EIF4A3: variants seen among roughly 807,000 people sequenced by gnomAD.
EIF4A3 encodes the protein eukaryotic translation initiation factor 4A3, also known as eukaryotic initiation factor 4A-III.
A neutral mutation model predicts 55.6 loss-of-function variants in EIF4A3; 1 was observed. The ratio of observed to expected loss-of-function variants is 0.02; its 90% CI spans 0.01 to 0.09. EIF4A3 has a LOEUF of 0.09. Ranked by LOEUF, EIF4A3 falls within the 10% of genes least tolerant of loss-of-function variation. The probability of loss-of-function intolerance (pLI) is 1.00; values close to 1 mark genes in which losing one functional copy is unlikely to be tolerated. For missense variants in EIF4A3, 221 were observed against 540.7 expected (o/e 0.41, Z 5.86); for synonymous variants, 194 against 196.3 (o/e 0.99, Z 0.10).
In EIF4A3 at chr17:80,145,316, T is replaced by C. The variant is rs543529034; in HGVS notation, c.170-1072A>G. 2.0e-5 allele frequency among the ~76,000 whole-genome samples: 3 copies of C among 152,234 alleles called. No homozygotes were observed. In the East Asian group the frequency reaches 5.8e-4, roughly 29 times the overall value. ...GGGGTGGCTCACACCTGTAATGCCATCACTTTGGGAGGCTGAGGCTGGTGG... is the reference window on the plus strand; with the variant it reads ...GGGGTGGCTCACACCTGTAATGCCACCACTTTGGGAGGCTGAGGCTGGTGG... On this transcript the variant is annotated intron_variant, in intron 1 of 11. Coordinates refer to ENST00000649764, the MANE Select transcript of EIF4A3 (RefSeq NM_014740.4).
At chr17:80,138,982 G>A (rs1246022708) in intron 7 of EIF4A3, 39 bp downstream of exon 7, 2 of 1,607,152 alleles carry the variant, frequency 1.2e-6, no homozygotes, top group South Asian at 2.2e-5. Flanking sequence ...TATAAATGCG[G>A]CCCAGTGTTT....
chr17:80,140,632 G>A (rs2039610396), intron 4 of EIF4A3, among the ~76,000 whole-genome samples: 1 of 152,186 alleles, frequency 6.6e-6, no homozygotes, highest in South Asian at 2.1e-4. Context: ...ACAGGCGTGA[G>A]CCACCACACC....
In EIF4A3 at chr17:80,141,968, A is replaced by G. The variant is rs939855045; in HGVS notation, c.243-120T>C. 8.3e-5 allele frequency: 59 copies of G among 712,762 alleles called. 1 individual carries two copies. Among genetic ancestry groups the G allele is most frequent in the Middle Eastern group, 5.0e-4 (2 of 4,016 alleles). 44.2% of individuals were successfully genotyped at this position (712,762 alleles called of 1,614,324 possible). A position where few individuals can be genotyped will look rare whatever the true frequency, so the allele number is the denominator to read the frequency against. ...TTCTTCCAGCAAGCCCCCGTACCTAATAACATCTTAACTGCGAGGAGGCAG... is the reference window on the plus strand; with the variant it reads ...TTCTTCCAGCAAGCCCCCGTACCTAGTAACATCTTAACTGCGAGGAGGCAG... On this transcript the variant is annotated intron_variant, in intron 2 of 11. Coordinates refer to ENST00000649764, the MANE Select transcript of EIF4A3 (RefSeq NM_014740.4).
At chr17:80,140,173 G>GGA (rs749722477) in intron 4 of EIF4A3, 33 bp from the exon 5 acceptor site, 1 of 1,507,778 alleles carries the variant, frequency 6.6e-7, no homozygotes, top group Non-Finnish European at 8.9e-7. Flanking sequence ...GTCCAGGGTG[G>GGA]GAGAGAGAAA....
intron 4 of EIF4A3, 177 bp from the exon 5 acceptor site, chr17:80,140,317 T>A: frequency 6.5e-6 from 4 of 614,530 alleles, no homozygotes; most frequent in South Asian, 9.2e-5. Flanking sequence ...ATTTTGCTTT[T>A]TTTTTTTTTT....
At position 80,147,109 on chromosome 17, in the gene EIF4A3, G is replaced by A. The variant is rs540433540; in HGVS notation, c.-148C>T. On this transcript the variant is annotated 5_prime_UTR_variant, in exon 1 of 12. Coordinates refer to ENST00000649764, the MANE Select transcript of EIF4A3 (RefSeq NM_014740.4). Reference sequence around the variant, plus strand: ...GCTGTGCCGCTGCCGACCTCGCTGTGCCGCTGCCGACCTCGCTGTGCCGCT... The same window carrying A: ...GCTGTGCCGCTGCCGACCTCGCTGTACCGCTGCCGACCTCGCTGTGCCGCT... 555 of 1,209,314 alleles carry A rather than the reference G, an allele frequency of 4.6e-4. 6 individuals carry two copies. Among genetic ancestry groups the A allele is most frequent in the African/African-American group, 3.8e-3 (236 of 61,804 alleles). The allele number at this position is 1,209,314 out of a possible 1,614,324, so 74.9% of individuals were successfully genotyped here. A position where few individuals can be genotyped will look rare whatever the true frequency, so the allele number is the denominator to read the frequency against.
chr17:80,135,009 T>C lies in EIF4A3; in HGVS notation c.*481A>G, dbSNP rs569444652. On this transcript the variant is annotated 3_prime_UTR_variant, in exon 12 of 12. Coordinates refer to ENST00000649764, the MANE Select transcript of EIF4A3 (RefSeq NM_014740.4). The stretch of plus-strand genomic sequence containing the variant: ...TACTGAAAATACAAAAAAATTAGCC[T>C]GGCATGGTGGCGGCCGCCTGTACTC... Among the ~76,000 whole-genome samples, 5 of 151,262 alleles carry C rather than the reference T, an allele frequency of 3.3e-5. No individual in the cohort carries two copies. The highest frequency in any genetic ancestry group is 1.2e-4 in the African/African-American group (5 of 41,186).
At chr17:80,136,617 C>A in intron 9 of EIF4A3, 1 of 393,212 alleles carries the variant, frequency 2.5e-6, no homozygotes. Flanking sequence ...TTAATCGGTC[C>A]TAAACCAATA....
chr17:80,139,904 A>G (rs1567849409), intron 5 of EIF4A3, 104 bp downstream of exon 5: 2 of 1,540,062 alleles, frequency 1.3e-6, no homozygotes, highest in Admixed American at 3.9e-5. Flanking sequence ...CCCAGGTGCA[A>G]AAGTCTACCG....
intron 8 of EIF4A3, 153 bp from the exon 9 acceptor site, chr17:80,137,654 C>T: frequency 1.6e-6 from 1 of 629,318 alleles, no homozygotes; most frequent in South Asian, 2.1e-5. Flanking sequence ...GATGTAAAAA[C>T]TTTTTCCCAG....
At position 80,147,105 on chromosome 17, in the gene EIF4A3, C is replaced by CCG. The variant is rs1598608132; in HGVS notation, c.-145_-144insCG. Reference sequence around the variant, plus strand: ...CCTCGCTGTGCCGCTGCCGACCTCGCTGTGCCGCTGCCGACCTCGCTGTGC... The same window carrying CCG: ...CCTCGCTGTGCCGCTGCCGACCTCGCCGTGTGCCGCTGCCGACCTCGCTGTGC... On this transcript the variant is annotated 5_prime_UTR_variant, in exon 1 of 12. Coordinates refer to ENST00000649764, the MANE Select transcript of EIF4A3 (RefSeq NM_014740.4). 1.6e-6 allele frequency: 2 copies of CCG among 1,224,696 alleles called. No individual in the cohort carries two copies. The highest frequency in any genetic ancestry group is 3.3e-5 in the African/African-American group (2 of 60,868). 75.9% of individuals were successfully genotyped at this position (1,224,696 alleles called of 1,614,324 possible). A position where few individuals can be genotyped will look rare whatever the true frequency, so the allele number is the denominator to read the frequency against.
chr17:80,138,433 T>TCA (rs1168949870), intron 7 of EIF4A3, 153 bp from the exon 8 acceptor site: 2 of 781,488 alleles, frequency 2.6e-6, no homozygotes, highest in Non-Finnish European at 4.1e-6. Context: ...CTCCATCCTA[T>TCA]CACCACTTCC....
intron 1 of EIF4A3, among the ~76,000 whole-genome samples, chr17:80,145,150 C>A (rs1598607018): frequency 6.6e-6 from 1 of 152,334 alleles, no homozygotes; most frequent in East Asian, 1.9e-4. Context: ...GCAGGGACTG[C>A]CTGAGTGCCA....
At chr17:80,145,528 C>T (rs1345471029) in intron 1 of EIF4A3, among the ~76,000 whole-genome samples, 1 of 152,184 alleles carries the variant, frequency 6.6e-6, no homozygotes, top group Admixed American at 6.5e-5. Context: ...CATGCCACTA[C>T]ACTCCAGCCT....
rs1290657374 is a variant in EIF4A3, at chr17:80,134,902, A to G, written c.*588T>C. On this transcript the variant is annotated 3_prime_UTR_variant, in exon 12 of 12. Transcript: ENST00000649764. ...TGCAGTGGCTCACGCCTGTAATCCC[A>G]GCACTTTGGGAGGCCGAGGTGGGTG... Among the ~76,000 whole-genome samples the G allele has an allele frequency of 1.3e-5, 2 of 152,210 alleles. No homozygotes were observed. Among genetic ancestry groups the G allele is most frequent in the Non-Finnish European group, 2.9e-5 (2 of 68,030 alleles).
At chr17:80,146,115 G>C (rs1417608824) in intron 1 of EIF4A3, among the ~76,000 whole-genome samples, 1 of 152,254 alleles carries the variant, frequency 6.6e-6, no homozygotes, top group African/African-American at 2.4e-5. Flanking sequence ...GTCTTTGCTA[G>C]ATCTGCCCCG....
chr17:80,139,246 G>T, intron 6 of EIF4A3, 84 bp from the exon 7 acceptor site: 1 of 1,550,422 alleles, frequency 6.4e-7, no homozygotes, highest in South Asian at 1.2e-5. Flanking sequence ...TTCCCACTGG[G>T]TTAGAGGCAG....
intron 1 of EIF4A3, among the ~76,000 whole-genome samples, chr17:80,145,634 G>A (rs2039653162): frequency 6.6e-6 from 1 of 152,118 alleles, no homozygotes; most frequent in South Asian, 2.1e-4. Context: ...ATTAAACACA[G>A]GCCATTTATC....
At chr17:80,144,349 TCCAGCCTAAC>T (rs2039641544) in intron 1 of EIF4A3, 105 bp from the exon 2 acceptor site, 1 of 1,008,616 alleles carries the variant, frequency 9.9e-7, no homozygotes, top group African/African-American at 1.6e-5. Context: ...GAACCTGTCC[TCCAGCCTAAC>T]CCAGTGTTCA....
Sources: allele counts gnomAD v4.1 joint callset (sites outside exome capture counted in the v4.1 genomes callset), GRCh38; gene constraint gnomAD v4.1.1; transcripts MANE v1.5; gene names NCBI Gene and HGNC (gene_info 2026-07-23, HGNC 2026-07-21).